The following NUMB variants were observed in gnomAD, a reference collection of about 807,000 sequenced individuals.
NUMB encodes the protein protein numb homolog.
In NUMB, 29 loss-of-function variants were observed where a neutral mutation model predicts 59.7. That is an observed-to-expected ratio of 0.49 (90% confidence interval 0.36 to 0.66). The LOEUF (loss-of-function observed/expected upper bound fraction) is 0.66. Among genes scored for constraint, NUMB ranks in the 30% least tolerant of loss-of-function variants. NUMB has a pLI of 0.00. For missense variants in NUMB, 723 were observed against 822.0 expected (o/e 0.88, Z 1.47); for synonymous variants, 288 against 288.2 (o/e 1.00, Z 0.01).
intron 1 of NUMB, among the ~76,000 whole-genome samples, chr14:73,413,757 G>A (rs963730481): frequency 1.3e-5 from 2 of 151,764 alleles, no homozygotes; most frequent in Admixed American, 6.6e-5. Flanking sequence ...ACTCTAGCCC[G>A]AGTGACAGAG....
intron 1 of NUMB, among the ~76,000 whole-genome samples, chr14:73,425,809 ATT>A (rs71112753): frequency 7.2e-5 from 10 of 138,108 alleles, no homozygotes; most frequent in Non-Finnish European, 6.3e-5. Context: ...ATTTTATTTA[ATT>A]TTTTTTTTTT....
At chr14:73,278,721 C>CTTTTTTTTTT (rs35813203) in intron 12 of NUMB, among the ~76,000 whole-genome samples, 1 of 58,044 alleles carries the variant, frequency 1.7e-5, no homozygotes, top group Non-Finnish European at 2.9e-5. Flanking sequence ...GCCCTGGAAT[C>CTTTTTTTTTT]TTTTTTTTTT....
At chr14:73,344,408 AATACTAAAAATACT>A (rs1358136384) in intron 4 of NUMB, among the ~76,000 whole-genome samples, 7 of 152,240 alleles carry the variant, frequency 4.6e-5, no homozygotes, top group Non-Finnish European at 8.8e-5. Context: ...TTGTTATTAA[AATACTAAAAATACT>A]ATCTGTTCTA....
intron 2 of NUMB, among the ~76,000 whole-genome samples, chr14:73,377,057 C>T (rs577870051): frequency 4.6e-5 from 7 of 152,034 alleles, no homozygotes; most frequent in Non-Finnish European, 1.0e-4. Context: ...TAGATATAGA[C>T]CTTAACATCC....
chr14:73,309,737 A>ATAATAATAC (rs1230298042), intron 6 of NUMB, among the ~76,000 whole-genome samples: 1 of 144,698 alleles, frequency 6.9e-6, no homozygotes, highest in Non-Finnish European at 1.5e-5. Flanking sequence ...AATAATAATA[A>ATAATAATAC]TAATAATAAT....
At chr14:73,300,562 C>G (rs1198822120) in intron 6 of NUMB, among the ~76,000 whole-genome samples, 1 of 152,062 alleles carries the variant, frequency 6.6e-6, no homozygotes, top group Admixed American at 6.6e-5. Flanking sequence ...CAAGTTACTC[C>G]TAGTATGATC....
At chr14:73,337,733 G>A (rs1892414322) in intron 4 of NUMB, among the ~76,000 whole-genome samples, 1 of 152,078 alleles carries the variant, frequency 6.6e-6, no homozygotes, top group African/African-American at 2.4e-5. Context: ...TGTGTTAGTA[G>A]AGAAAACAAA....
chr14:73,280,334 G>C (rs1055102892), intron 11 of NUMB, among the ~76,000 whole-genome samples: 3 of 151,424 alleles, frequency 2.0e-5, no homozygotes, highest in Admixed American at 2.0e-4. Context: ...AAGTTGGTAT[G>C]TTTTCATTTG....
In NUMB at chr14:73,403,677, G is replaced by A. The variant is rs74910613; in HGVS notation, c.-101+6260C>T. Among the ~76,000 whole-genome samples the A allele has an allele frequency of 3.9e-5, 6 of 152,232 alleles. No homozygotes were observed. In the East Asian group the frequency reaches 7.7e-4, roughly 20 times the overall value. On this transcript the variant is annotated intron_variant, in intron 2 of 12. Coordinates refer to ENST00000555238, the MANE Select transcript of NUMB (RefSeq NM_001005743.2). ...TAATATAAGCCTTCAAGAGATTGGC[G>A]GGGCATGGTGGCTCACGCCTGTAAT...
chr14:73,394,808 T>G (rs1896038285), intron 2 of NUMB, among the ~76,000 whole-genome samples: 1 of 152,178 alleles, frequency 6.6e-6, no homozygotes, highest in African/African-American at 2.4e-5. Context: ...TTTTTTTTGC[T>G]TATGCATTTC....
intron 2 of NUMB, among the ~76,000 whole-genome samples, chr14:73,404,329 G>C (rs1295014588): frequency 1.3e-5 from 2 of 151,780 alleles, no homozygotes; most frequent in East Asian, 3.9e-4. Flanking sequence ...CAAGACTCTT[G>C]TTGAAAAAAA....
chr14:73,336,023 G>GT (rs1288142784), intron 4 of NUMB, among the ~76,000 whole-genome samples: 2 of 152,174 alleles, frequency 1.3e-5, no homozygotes, highest in African/African-American at 2.4e-5. Flanking sequence ...GTTTAATCAT[G>GT]TAAGTTTAGA....
chr14:73,322,818 C>T (rs942171486), intron 5 of NUMB: 1 of 156,448 alleles, frequency 6.4e-6, no homozygotes, highest in Non-Finnish European at 1.4e-5. Context: ...ACATGAGATG[C>T]TTTTAAATTT....
At chr14:73,332,915 C>T (rs1365172558) in intron 4 of NUMB, among the ~76,000 whole-genome samples, 1 of 152,006 alleles carries the variant, frequency 6.6e-6, no homozygotes, top group Non-Finnish European at 1.5e-5. Flanking sequence ...CAGGTTCATC[C>T]ACACCATAGC....
chr14:73,324,646 C>G (rs1010315574), intron 4 of NUMB, among the ~76,000 whole-genome samples: 1 of 151,368 alleles, frequency 6.6e-6, no homozygotes, highest in African/African-American at 2.4e-5. Flanking sequence ...TAATATGATT[C>G]AAGGTCTGGT....
At chr14:73,418,442 T>C (rs1897219160) in intron 1 of NUMB, among the ~76,000 whole-genome samples, 1 of 152,174 alleles carries the variant, frequency 6.6e-6, no homozygotes, top group African/African-American at 2.4e-5. Flanking sequence ...GTCAACATAC[T>C]GAATGCCACT....
intron 4 of NUMB, among the ~76,000 whole-genome samples, chr14:73,332,839 C>A (rs1892065130): frequency 6.6e-6 from 1 of 152,026 alleles, no homozygotes; most frequent in African/African-American, 2.4e-5. Context: ...GGATATTTCA[C>A]ATACAGGGAA....
intron 4 of NUMB, among the ~76,000 whole-genome samples, chr14:73,353,889 A>G (rs1594941983): frequency 6.6e-6 from 1 of 152,014 alleles, no homozygotes; most frequent in Non-Finnish European, 1.5e-5. Context: ...AAAAGTGTTC[A>G]TTTTTATGTA....
intron 1 of NUMB, among the ~76,000 whole-genome samples, chr14:73,444,085 A>T (rs1318140542): frequency 3.3e-5 from 5 of 152,102 alleles, no homozygotes; most frequent in African/African-American, 1.2e-4. Context: ...AGAGCTTTTA[A>T]ATATGACAAA....
Sources: gnomAD v4.1 joint callset for allele counts (sites outside exome capture counted in the v4.1 genomes callset) on GRCh38, gnomAD v4.1.1 for gene constraint, MANE v1.5 for transcripts, NCBI Gene and HGNC (gene_info 2026-07-23, HGNC 2026-07-21) for gene names.